Variants in CCSER1 observed in about 807,000 individuals in gnomAD.
CCSER1 encodes the protein coiled-coil serine rich protein 1, also known as serine-rich coiled-coil domain-containing protein 1.
A neutral mutation model predicts 82.0 loss-of-function variants in CCSER1; 41 were observed. The ratio of observed to expected loss-of-function variants is 0.50; its 90% CI spans 0.39 to 0.65. The LOEUF is 0.65. Among genes scored for constraint, CCSER1 ranks in the 30% least tolerant of loss-of-function variants. The pLI, the probability that CCSER1 is intolerant of heterozygous loss-of-function variation, is 0.00. For synonymous variants in CCSER1, 414 were observed against 383.9 expected (o/e 1.08, Z -0.92); for missense variants, 1,119 against 1,064.2 (o/e 1.05, Z -0.72).
At chr4:91,500,431 T>G (rs558605470) in intron 10 of CCSER1, among the ~76,000 whole-genome samples, 10 of 152,216 alleles carry the variant, frequency 6.6e-5, no homozygotes, top group Admixed American at 3.9e-4. Flanking sequence ...CTTCTCATTT[T>G]CTTGTTGTGA....
rs184694093 is a variant in CCSER1, at chr4:91,602,550, T to C, written c.*3493T>C. On this transcript the variant is annotated 3_prime_UTR_variant, in exon 11 of 11. Coordinates refer to ENST00000509176, the MANE Select transcript of CCSER1 (RefSeq NM_001145065.2). ...TCATTCGTCATCATCAGCTTCTCAT[T>C]ATAAAGAAATAGTAACCCATAGCAG... Among the ~76,000 whole-genome samples the C allele has an allele frequency of 1.0e-3, 154 of 152,128 alleles. No individual in the cohort carries two copies. The highest frequency in any genetic ancestry group is 1.5e-3 in the Non-Finnish European group (105 of 67,922).
At chr4:90,933,389 G>C (rs1234353344) in intron 9 of CCSER1, among the ~76,000 whole-genome samples, 1 of 151,538 alleles carries the variant, frequency 6.6e-6, no homozygotes, top group East Asian at 1.9e-4. Context: ...GGGTTTCACC[G>C]TGTTAGCCAG....
At chr4:90,641,395 A>G (rs979333239) in intron 6 of CCSER1, among the ~76,000 whole-genome samples, 2 of 152,152 alleles carry the variant, frequency 1.3e-5, no homozygotes, top group African/African-American at 4.8e-5. Context: ...AGGCATGTGC[A>G]GTTACGAAGG....
At chr4:91,401,364 T>C (rs975042692) in intron 10 of CCSER1, among the ~76,000 whole-genome samples, 23 of 148,306 alleles carry the variant, frequency 1.6e-4, no homozygotes, top group African/African-American at 5.4e-4. Context: ...ATATACTATA[T>C]ATTATATATA....
intron 3 of CCSER1, among the ~76,000 whole-genome samples, chr4:90,372,471 G>T (rs1194457946): frequency 6.6e-6 from 1 of 152,078 alleles, no homozygotes; most frequent in Non-Finnish European, 1.5e-5. Flanking sequence ...AGCTAGATTA[G>T]GGGGCTGGGC....
intron 10 of CCSER1, among the ~76,000 whole-genome samples, chr4:91,459,730 C>G (rs962670861): frequency 2.0e-5 from 3 of 152,136 alleles, no homozygotes; most frequent in Admixed American, 2.0e-4. Flanking sequence ...AAATCTTGCT[C>G]AAATGTCTGT....
intron 8 of CCSER1, among the ~76,000 whole-genome samples, chr4:90,865,816 T>A (rs753850707): frequency 8.6e-5 from 13 of 152,014 alleles, no homozygotes; most frequent in Non-Finnish European, 1.8e-4. Flanking sequence ...ATGCTTGCAC[T>A]GCTATATAGA....
At chr4:90,377,970 TCTC>T (rs1253025090) in intron 3 of CCSER1, among the ~76,000 whole-genome samples, 1 of 152,134 alleles carries the variant, frequency 6.6e-6, no homozygotes, top group African/African-American at 2.4e-5. Context: ...CATCTCTAAT[TCTC>T]CTAGTCATTT....
intron 6 of CCSER1, among the ~76,000 whole-genome samples, chr4:90,691,677 C>T (rs36042723): frequency 2.0e-5 from 3 of 151,586 alleles, no homozygotes; most frequent in Non-Finnish European, 4.4e-5. Context: ...ACGTGTGTAT[C>T]TATGTGTATA....
chr4:90,908,616 TATTC>T (rs1336352590), intron 8 of CCSER1, among the ~76,000 whole-genome samples: 1 of 152,146 alleles, frequency 6.6e-6, no homozygotes, highest in Non-Finnish European at 1.5e-5. Flanking sequence ...AATATATAGT[TATTC>T]ATGAAATATT....
intron 10 of CCSER1, among the ~76,000 whole-genome samples, chr4:91,158,347 T>G (rs948823544): frequency 2.0e-5 from 3 of 152,002 alleles, no homozygotes; most frequent in Non-Finnish European, 4.4e-5. Flanking sequence ...AGCATCCTTT[T>G]GAGGCTCAAG....
chr4:90,496,727 C>A (rs1769061526), intron 5 of CCSER1, among the ~76,000 whole-genome samples: 1 of 151,852 alleles, frequency 6.6e-6, no homozygotes, highest in Admixed American at 6.6e-5. Context: ...GCCTGTAATT[C>A]CAGCACTTTG....
At chr4:91,162,374 T>C (rs1731509579) in intron 10 of CCSER1, among the ~76,000 whole-genome samples, 1 of 152,246 alleles carries the variant, frequency 6.6e-6, no homozygotes, top group South Asian at 2.1e-4. Context: ...TCATCAGGGA[T>C]ACTCATCTAA....
chr4:90,642,926 A>G (rs750907124), intron 6 of CCSER1, among the ~76,000 whole-genome samples: 1 of 151,774 alleles, frequency 6.6e-6, no homozygotes, highest in Non-Finnish European at 1.5e-5. Context: ...AGTGCTCAAG[A>G]TATATAGAGG....
At chr4:90,243,574 T>TG (rs1446053346) in intron 1 of CCSER1, among the ~76,000 whole-genome samples, 46 of 143,598 alleles carry the variant, frequency 3.2e-4, no homozygotes, top group South Asian at 6.6e-4. Context: ...TTTGGGGAGG[T>TG]GGGGGGTCTT....
chr4:91,309,095 C>T lies in CCSER1; in HGVS notation c.2217+223101C>T, dbSNP rs552073156. ...ATATTATTCTAAAGTATTTTCTCCT[C>T]CTCTTTTTTAAAAATAGCAACATAT... On this transcript the variant is annotated intron_variant, in intron 10 of 10. Coordinates refer to ENST00000509176, the MANE Select transcript of CCSER1 (RefSeq NM_001145065.2). Among the ~76,000 whole-genome samples, 3 of 151,968 alleles carry T rather than the reference C, an allele frequency of 2.0e-5. No individual in the cohort carries two copies. The South Asian group carries it at 6.2e-4, about 32-fold the overall frequency.
chr4:90,157,149 A>T (rs1056021828), intron 1 of CCSER1, among the ~76,000 whole-genome samples: 2 of 152,140 alleles, frequency 1.3e-5, no homozygotes, highest in East Asian at 3.8e-4. Context: ...GTTTGGCTGG[A>T]TATGAAATTC....
chr4:91,197,774 C>T (rs556447279), intron 10 of CCSER1, among the ~76,000 whole-genome samples: 11 of 152,218 alleles, frequency 7.2e-5, no homozygotes, highest in African/African-American at 2.6e-4. Flanking sequence ...ACTATACGTG[C>T]CCCCATGGTA....
At position 90,747,689 on chromosome 4, in the gene CCSER1, A is replaced by G. The variant is rs1041350468; in HGVS notation, c.2010+23698A>G. 7.9e-5 allele frequency among the ~76,000 whole-genome samples: 12 copies of G among 151,914 alleles called. No individual in the cohort carries two copies. The South Asian group carries it at 2.3e-3, about 29-fold the overall frequency. ...TATTATACTTTAAGTTTTAGGGTAC[A>G]TATGCACGATGTGCAGGTTAGTTAC... On this transcript the variant is annotated intron_variant, in intron 7 of 10. Transcript: ENST00000509176.
Sources: allele counts gnomAD v4.1 joint callset (sites outside exome capture counted in the v4.1 genomes callset), GRCh38; gene constraint gnomAD v4.1.1; transcripts MANE v1.5; gene names NCBI Gene and HGNC (gene_info 2026-07-23, HGNC 2026-07-21).